Variants in NRF1 observed in about 807,000 individuals in gnomAD.
The protein encoded by NRF1 is alpha palindromic-binding protein.
NRF1 carries 5 observed loss-of-function variants against 58.5 expected under a neutral mutation model. The observed-to-expected ratio is 0.09, with a 90% CI of 0.04 to 0.18. The LOEUF is 0.18. Ranked by LOEUF, NRF1 falls within the 10% of genes least tolerant of loss-of-function variation. The pLI is 1.00. For synonymous variants in NRF1, 224 were observed against 246.7 expected (o/e 0.91, Z 0.86); for missense variants, 288 against 657.7 (o/e 0.44, Z 6.15).
Position 129,684,354 on chromosome 7 carries a change from A to T in NRF1, c.466-6052A>T, listed in dbSNP as rs981055932. ...ACAAGAAGAGATTGAAAATTGTAAG[A>T]AAAGGCTATGTATTAGTTCTGTTCT... is the stretch of plus-strand genomic sequence containing the variant. On this transcript the variant is annotated intron_variant, in intron 4 of 10. Coordinates refer to ENST00000393232, the MANE Select transcript of NRF1 (RefSeq NM_005011.5). Among the ~76,000 whole-genome samples the T allele has an allele frequency of 3.7e-4, 56 of 152,228 alleles. 2 individuals carry two copies. Among genetic ancestry groups the T allele is most frequent in the African/African-American group, 1.2e-4 (5 of 41,466 alleles).
At chr7:129,685,136 G>A (rs767312863) in intron 4 of NRF1, among the ~76,000 whole-genome samples, 29 of 152,172 alleles carry the variant, frequency 1.9e-4, no homozygotes, top group African/African-American at 7.0e-4. Flanking sequence ...TTTTTTTTAT[G>A]AGACCTTCCC....
At chr7:129,633,008 A>G (rs1801084546) in intron 1 of NRF1, among the ~76,000 whole-genome samples, 1 of 152,206 alleles carries the variant, frequency 6.6e-6, no homozygotes, top group South Asian at 2.1e-4. Flanking sequence ...AAACAGCTAC[A>G]TAAAGCCTGT....
chr7:129,691,367 T>A (rs200164291), intron 5 of NRF1, among the ~76,000 whole-genome samples: 6,548 of 123,436 alleles, frequency 0.053, 153 homozygotes, highest in Middle Eastern at 0.14. Flanking sequence ...TATTATTATT[T>A]TTTTTTTTTT....
At chr7:129,695,694 G>A (rs1246805700) in intron 5 of NRF1, among the ~76,000 whole-genome samples, 2 of 147,994 alleles carry the variant, frequency 1.4e-5, no homozygotes, top group African/African-American at 4.9e-5. Context: ...TTTTAATCTG[G>A]GAACACAGAA....
intron 10 of NRF1, among the ~76,000 whole-genome samples, chr7:129,751,083 G>A (rs540387278): frequency 1.1e-4 from 16 of 152,346 alleles, no homozygotes; most frequent in African/African-American, 3.8e-4. Flanking sequence ...CCTGTACAGG[G>A]AGCAGAGGAG....
chr7:129,641,726 C>G (rs967917235), intron 1 of NRF1: 2 of 152,184 alleles, frequency 1.3e-5, no homozygotes, highest in African/African-American at 4.8e-5. Flanking sequence ...GTCACCCAGG[C>G]TGGAGTGCAG....
rs1366532501 is a variant in NRF1, at chr7:129,754,894, G to A, written c.1349-124G>A. 8.0e-6 allele frequency: 7 copies of A among 872,272 alleles called. No homozygotes were observed. In the East Asian group the frequency reaches 2.0e-4, roughly 24 times the overall value. 54.0% of individuals were successfully genotyped at this position (872,272 alleles called of 1,614,324 possible). A position where few individuals can be genotyped will look rare whatever the true frequency, so the allele number is the denominator to read the frequency against. ...AGATGTCTTTGTGCCTGGGCCATGG[G>A]TATGTGATCACCTGAGGCTGGTGAC... On this transcript the variant is annotated intron_variant, in intron 10 of 10. Transcript: ENST00000393232.
chr7:129,736,683 T>C (rs1803722815), intron 10 of NRF1, among the ~76,000 whole-genome samples: 1 of 151,952 alleles, frequency 6.6e-6, no homozygotes, highest in South Asian at 2.1e-4. Flanking sequence ...TTAGCTTTGA[T>C]TGAATGTGTA....
intron 1 of NRF1, among the ~76,000 whole-genome samples, chr7:129,615,183 G>A (rs1420767123): frequency 6.6e-6 from 1 of 152,208 alleles, no homozygotes; most frequent in African/African-American, 2.4e-5. Flanking sequence ...TACCTCAACA[G>A]GAAGTTAATG....
chr7:129,747,681 C>T (rs1451055319), intron 10 of NRF1, among the ~76,000 whole-genome samples: 2 of 152,212 alleles, frequency 1.3e-5, no homozygotes, highest in African/African-American at 2.4e-5. Flanking sequence ...AGCCATTAAA[C>T]AGCAGAACCA....
At chr7:129,649,036 T>A (rs1345898089) in intron 1 of NRF1, among the ~76,000 whole-genome samples, 1 of 152,136 alleles carries the variant, frequency 6.6e-6, no homozygotes, top group Non-Finnish European at 1.5e-5. Flanking sequence ...TCAAATGGAT[T>A]TTTCTTTTCT....
chr7:129,732,859 C>T (rs1390343251), intron 10 of NRF1, among the ~76,000 whole-genome samples: 1 of 152,168 alleles, frequency 6.6e-6, no homozygotes, highest in African/African-American at 2.4e-5. Context: ...GCCTCAGCCT[C>T]CCAAAGTTCC....
At chr7:129,707,576 G>T (rs1802980810) in intron 5 of NRF1, among the ~76,000 whole-genome samples, 1 of 152,148 alleles carries the variant, frequency 6.6e-6, no homozygotes, top group South Asian at 2.1e-4. Flanking sequence ...TTAGAATAAA[G>T]GGAAAAATGA....
At chr7:129,687,791 A>G (rs1030504648) in intron 4 of NRF1, among the ~76,000 whole-genome samples, 4 of 152,268 alleles carry the variant, frequency 2.6e-5, no homozygotes, top group African/African-American at 9.6e-5. Flanking sequence ...AGACTGATAA[A>G]TATGAAAGAA....
intron 10 of NRF1, among the ~76,000 whole-genome samples, chr7:129,732,074 A>G (rs1803592443): frequency 6.6e-6 from 1 of 152,144 alleles, no homozygotes; most frequent in South Asian, 2.1e-4. Context: ...GACCTCCAGG[A>G]CTGACAGATA....
intron 4 of NRF1, among the ~76,000 whole-genome samples, chr7:129,689,338 G>C (rs1802512296): frequency 1.3e-5 from 2 of 152,114 alleles, no homozygotes; most frequent in South Asian, 4.1e-4. Context: ...GACAACCCAG[G>C]ATTCAAACAT....
chr7:129,626,075 C>T (rs986647233), intron 1 of NRF1, among the ~76,000 whole-genome samples: 3 of 152,164 alleles, frequency 2.0e-5, no homozygotes, highest in African/African-American at 7.2e-5. Context: ...CCACCTTGGC[C>T]TGCCACAGTG....
At chr7:129,745,377 G>A (rs1803949963) in intron 10 of NRF1, among the ~76,000 whole-genome samples, 1 of 152,132 alleles carries the variant, frequency 6.6e-6, no homozygotes, top group African/African-American at 2.4e-5. Context: ...TGGCAGGTGA[G>A]CAAGCATCAC....
intron 4 of NRF1, among the ~76,000 whole-genome samples, chr7:129,685,138 G>C (rs1213168799): frequency 1.3e-5 from 2 of 152,150 alleles, no homozygotes; most frequent in African/African-American, 4.8e-5. Flanking sequence ...TTTTTTATGA[G>C]ACCTTCCCAA....
Sources: allele counts gnomAD v4.1 joint callset (sites outside exome capture counted in the v4.1 genomes callset), GRCh38; gene constraint gnomAD v4.1.1; transcripts MANE v1.5; gene names NCBI Gene and HGNC (gene_info 2026-07-23, HGNC 2026-07-21).